Variants in TGFBR3 observed in about 807,000 individuals in gnomAD.
TGFBR3 encodes the protein transforming growth factor beta receptor type 3.
TGFBR3 carries 46 observed loss-of-function variants against 87.9 expected under a neutral mutation model. The observed-to-expected ratio is 0.52, with a 90% CI of 0.41 to 0.67. The LOEUF is 0.67. Ranked by LOEUF, TGFBR3 falls within the 30% of genes least tolerant of loss-of-function variation. TGFBR3 has a pLI of 0.00. For synonymous variants in TGFBR3, 381 were observed against 391.6 expected (o/e 0.97, Z 0.32); for missense variants, 866 against 1,041.9 (o/e 0.83, Z 2.32).
chr1:91,881,900 G>A (rs1274195883), intron 1 of TGFBR3, among the ~76,000 whole-genome samples: 6 of 151,838 alleles, frequency 4.0e-5, no homozygotes, highest in East Asian at 4.0e-4. Context: ...TTAGTCGGGC[G>A]TGGTGGCATG....
intron 4 of TGFBR3, chr1:91,755,136 T>C (rs988160067): frequency 6.6e-6 from 1 of 152,204 alleles, no homozygotes; most frequent in Non-Finnish European, 1.5e-5. Context: ...AAGTGTTTGA[T>C]GAACACTTTA....
chr1:91,720,381 A>G, intron 8 of TGFBR3, 151 bp from the exon 9 acceptor site: 1 of 818,372 alleles, frequency 1.2e-6, no homozygotes, highest in Non-Finnish European at 2.0e-6. Flanking sequence ...GAAGTCTAGA[A>G]GCCTGAATTC....
intron 3 of TGFBR3, among the ~76,000 whole-genome samples, chr1:91,774,452 T>C (rs1674496762): frequency 6.6e-6 from 1 of 152,158 alleles, no homozygotes; most frequent in South Asian, 2.1e-4. Flanking sequence ...TACTTTTCAA[T>C]GAGAGAGTTG....
chr1:91,891,516 C>T (rs1679447685), intron 2 of TGFBR3, among the ~76,000 whole-genome samples: 1 of 150,142 alleles, frequency 6.7e-6, no homozygotes, highest in South Asian at 2.1e-4. Context: ...AAAAAAAAAA[C>T]TCGATTCTTT....
At chr1:91,780,518 T>A (rs921840518) in intron 3 of TGFBR3, among the ~76,000 whole-genome samples, 6 of 148,232 alleles carry the variant, frequency 4.0e-5, no homozygotes, top group African/African-American at 1.5e-4. Context: ...TATTCCTACA[T>A]AGTTGCCTAC....
intron 1 of TGFBR3, among the ~76,000 whole-genome samples, chr1:91,872,309 G>A (rs957578536): frequency 1.3e-5 from 2 of 152,064 alleles, no homozygotes; most frequent in African/African-American, 4.8e-5. Context: ...GAGGATTTAC[G>A]GTATTGGTTT....
chr1:91,820,299 G>A (rs564774386), intron 2 of TGFBR3, among the ~76,000 whole-genome samples: 1 of 152,208 alleles, frequency 6.6e-6, no homozygotes, highest in South Asian at 2.1e-4. Flanking sequence ...TACACCTACT[G>A]TACTACACCA....
At chr1:91,789,457 G>T (rs1202209525) in intron 3 of TGFBR3, among the ~76,000 whole-genome samples, 2 of 152,184 alleles carry the variant, frequency 1.3e-5, no homozygotes, top group Admixed American at 6.5e-5. Context: ...CCTCTGCCGG[G>T]GCAGGGGCTG....
At chr1:91,687,803 T>C (rs1671139584) in intron 16 of TGFBR3, among the ~76,000 whole-genome samples, 1 of 152,182 alleles carries the variant, frequency 6.6e-6, no homozygotes, top group East Asian at 1.9e-4. Flanking sequence ...TTATGGAATC[T>C]CCTTCTCAGG....
intron 16 of TGFBR3, among the ~76,000 whole-genome samples, chr1:91,688,613 G>A (rs531129968): frequency 3.9e-5 from 6 of 152,238 alleles, no homozygotes; most frequent in East Asian, 1.9e-4. Context: ...AAATCTAAGC[G>A]TGTAAGGAAC....
intron 1 of TGFBR3, among the ~76,000 whole-genome samples, chr1:91,882,936 G>A (rs990999325): frequency 6.6e-6 from 1 of 152,092 alleles, no homozygotes. Context: ...TAATAGAACT[G>A]CTGTTATTTA....
At position 91,683,577 on chromosome 1, in the gene TGFBR3, T is replaced by C; in HGVS notation, c.*162A>G. The C allele has an allele frequency of 1.4e-6, 1 of 708,740 alleles. No individual in the cohort carries two copies. Among genetic ancestry groups the C allele is most frequent in the Non-Finnish European group, 2.5e-6 (1 of 394,216 alleles). 43.9% of individuals were successfully genotyped at this position (708,740 alleles called of 1,614,324 possible). On this transcript the variant is annotated 3_prime_UTR_variant, in exon 17 of 17. Coordinates refer to ENST00000212355, the MANE Select transcript of TGFBR3 (RefSeq NM_003243.5). ...ATACTAGCCCTGGGTGTGGGGTGAA[T>C]ACAACGGGTGATCTTTATACTGAAA...
intron 3 of TGFBR3, among the ~76,000 whole-genome samples, chr1:91,793,664 G>A (rs899030144): frequency 2.6e-5 from 4 of 151,924 alleles, no homozygotes; most frequent in African/African-American, 9.7e-5. Flanking sequence ...AAATTAGCCG[G>A]GCACGGTGGC....
chr1:91,735,808 GT>G (rs1278646059), intron 4 of TGFBR3, among the ~76,000 whole-genome samples: 1 of 152,124 alleles, frequency 6.6e-6, no homozygotes, highest in East Asian at 1.9e-4. Flanking sequence ...TGCCATTTTT[GT>G]TGGCTAGCAT....
At chr1:91,766,193 G>GTTT (rs1178290264) in intron 3 of TGFBR3, among the ~76,000 whole-genome samples, 2 of 93,718 alleles carry the variant, frequency 2.1e-5, no homozygotes, top group Non-Finnish European at 4.4e-5. Flanking sequence ...AGCTAAGTTT[G>GTTT]TTTTCTTTTT....
At chr1:91,762,036 A>G (rs1673983465) in intron 3 of TGFBR3, among the ~76,000 whole-genome samples, 2 of 152,206 alleles carry the variant, frequency 1.3e-5, no homozygotes, top group South Asian at 4.1e-4. Flanking sequence ...TTTACACATA[A>G]AAATACAGGT....
chr1:91,702,980 G>A (rs747078528), intron 14 of TGFBR3, among the ~76,000 whole-genome samples: 37 of 152,226 alleles, frequency 2.4e-4, no homozygotes, highest in Non-Finnish European at 3.2e-4. Context: ...AGGAGGCGGA[G>A]GTTGCAGTGA....
rs1678187109 is a variant in TGFBR3 at position 91,861,545 on chromosome 1, A to G, written c.-14T>C. 1 of 1,611,106 alleles carries G rather than the reference A, an allele frequency of 6.2e-7. No homozygotes were observed. Among genetic ancestry groups the G allele is most frequent in the East Asian group, 2.2e-5 (1 of 44,862 alleles). The stretch of plus-strand genomic sequence containing the variant: ...ATGGGAAGTCATTTTTATTTCTCCA[A>G]CAGTGCGTCTCGTCCAGTCACTTCA... On this transcript the variant is annotated 5_prime_UTR_variant, in exon 2 of 17. Coordinates refer to ENST00000212355, the MANE Select transcript of TGFBR3 (RefSeq NM_003243.5).
At chr1:91,721,913 T>TG (rs765326120) in intron 8 of TGFBR3, 42 bp downstream of exon 8, 23 of 1,581,012 alleles carry the variant, frequency 1.5e-5, no homozygotes, top group South Asian at 5.6e-5. Flanking sequence ...AAGCTTCATT[T>TG]GGGGGGTATT....
Sources: allele counts gnomAD v4.1 joint callset (sites outside exome capture counted in the v4.1 genomes callset), GRCh38; gene constraint gnomAD v4.1.1; transcripts MANE v1.5; gene names NCBI Gene and HGNC (gene_info 2026-07-23, HGNC 2026-07-21).